The following UTP14C variants were observed in gnomAD, a reference collection of about 807,000 sequenced individuals.
UTP14C encodes UTP14C small subunit processome component.
UTP14C carries 10 observed loss-of-function variants against 14.6 expected under a neutral mutation model. The ratio of observed to expected loss-of-function variants is 0.68; its 90% CI spans 0.42 to 1.16. The LOEUF (loss-of-function observed/expected upper bound fraction) is 1.16. Ranked by LOEUF, UTP14C falls within the 50% of genes most tolerant of loss-of-function variation. UTP14C has a pLI of 0.00. For synonymous variants in UTP14C, 315 were observed against 331.6 expected (o/e 0.95, Z 0.54); for missense variants, 818 against 890.8 (o/e 0.92, Z 1.04).
In UTP14C at chr13:52,030,486, A is replaced by C. The variant is rs762712549; in HGVS notation, c.1682A>C (p.Asn561Thr). 6.2e-6 allele frequency: 10 copies of C among 1,614,224 alleles called. No homozygotes were observed. The highest frequency in any genetic ancestry group is 6.8e-6 in the Non-Finnish European group (8 of 1,180,034). ...KEKEQLINLQ[N>T]FLTTQSPSVR... ...AAGGAGCAACTGATCAACCTACAGA[A>C]CTTCCTGACCACACAGTCTCCTTCC... The change falls in exon 2 of 2, where the codon AAC becomes ACC. Residue 561 changes from asparagine (N) to threonine (T), a missense_variant. Coordinates refer to ENST00000521776, the MANE Select transcript of UTP14C (RefSeq NM_021645.6).
At position 52,029,831 on chromosome 13, in the gene UTP14C, G is replaced by A. The variant is rs1377571263; in HGVS notation, c.1027G>A (p.Glu343Lys). 1.9e-6 allele frequency: 3 copies of A among 1,614,232 alleles called. No individual in the cohort carries two copies. Among genetic ancestry groups the A allele is most frequent in the Non-Finnish European group, 2.5e-6 (3 of 1,180,044 alleles). Residue 343 changes from glutamate to lysine, a missense_variant, in exon 2 of 2, where the codon GAG becomes AAG. By Grantham distance (56) the Glu-to-Lys change is moderately conservative (BLOSUM62 1). Transcript: ENST00000521776. ...GAAACTCCAGGTAGCCTCTGAGAGT[G>A]AGGAAGAGGAGGGAGGCACAGAAGT... is the stretch of plus-strand genomic sequence containing the variant. ...TQKLQVASESEEEEGGTEVEE... is the reference protein window; with the variant it reads ...TQKLQVASESKEEEGGTEVEE...
chr13:52,027,196 C>T (rs1954249617), intron 1 of UTP14C, among the ~76,000 whole-genome samples: 1 of 151,828 alleles, frequency 6.6e-6, no homozygotes, highest in Non-Finnish European at 1.5e-5. Flanking sequence ...CAGAAGTGAA[C>T]AAGTAGAGTT....
At position 52,031,076 on chromosome 13, in the gene UTP14C, A is replaced by C. The variant is rs367799665; in HGVS notation, c.2272A>C (p.Thr758Pro). Reference sequence around the variant, plus strand: ...ACAGAGGAATCCAAAACGAATCACCACACGTCACAATAAAGAAGAAAAACT... The same window carrying C: ...ACAGAGGAATCCAAAACGAATCACCCCACGTCACAATAAAGAAGAAAAACT... ...VIQRNPKRIT[T>P]RHNKEEKL The change falls in exon 2 of 2, where the codon ACA becomes CCA. Residue 758 changes from threonine (T) to proline (P), a missense_variant. By Grantham distance (38) the Thr-to-Pro change is conservative. Coordinates refer to ENST00000521776, the MANE Select transcript of UTP14C (RefSeq NM_021645.6). The C allele has an allele frequency of 1.2e-6, 2 of 1,613,446 alleles. No homozygotes were observed. Among genetic ancestry groups the C allele is most frequent in the East Asian group, 4.5e-5 (2 of 44,866 alleles).
chr13:52,028,213 G>C (rs1954260228), intron 1 of UTP14C, 106 bp from the exon 2 acceptor site: 1 of 1,324,118 alleles, frequency 7.6e-7, no homozygotes, highest in Non-Finnish European at 1.1e-6. Context: ...ATTTAATTAA[G>C]TTTCTCATAA....
chr13:52,028,390 G>T lies in UTP14C; in HGVS notation c.-415G>T, dbSNP rs762514154. 6.2e-7 allele frequency: 1 copy of T among 1,614,154 alleles called. No homozygotes were observed. Among genetic ancestry groups the T allele is most frequent in the Non-Finnish European group, 8.5e-7 (1 of 1,180,034 alleles). ...TTCGGGGGGCCCAAAGCTTGACATTGTGGTTCCTCACGAAGGAGATATAAC... is the reference window on the plus strand; with the variant it reads ...TTCGGGGGGCCCAAAGCTTGACATTTTGGTTCCTCACGAAGGAGATATAAC... On this transcript the variant is annotated 5_prime_UTR_variant, in exon 2 of 2. Transcript: ENST00000521776.
At chr13:52,027,402 C>T (rs1381955830) in intron 1 of UTP14C, among the ~76,000 whole-genome samples, 1 of 152,066 alleles carries the variant, frequency 6.6e-6, no homozygotes, top group Non-Finnish European at 1.5e-5. Flanking sequence ...AGGATGCTCT[C>T]CAGCTTCAAG....
Position 52,028,608 on chromosome 13 carries a change from T to C in UTP14C, c.-197T>C. 1.2e-6 allele frequency: 2 copies of C among 1,607,472 alleles called. No homozygotes were observed. The highest frequency in any genetic ancestry group is 1.7e-6 in the Non-Finnish European group (2 of 1,174,538). On this transcript the variant is annotated 5_prime_UTR_variant, in exon 2 of 2. Transcript: ENST00000521776. The stretch of plus-strand genomic sequence containing the variant: ...TTAAGTAATGCCATATCTGTAAAAT[T>C]AAAGATATTTTATATAAACTGGTTA...
At chr13:52,025,747 T>C (rs1407991048) in intron 1 of UTP14C, among the ~76,000 whole-genome samples, 1 of 152,234 alleles carries the variant, frequency 6.6e-6, no homozygotes, top group African/African-American at 2.4e-5. Flanking sequence ...CCACATATAT[T>C]TCTCAAGCGC....
chr13:52,030,755 A>G lies in UTP14C; in HGVS notation c.1951A>G (p.Lys651Glu). 1 of 1,614,228 alleles carries G rather than the reference A, an allele frequency of 6.2e-7. No individual in the cohort carries two copies. Among genetic ancestry groups the G allele is most frequent in the Middle Eastern group, 1.6e-4 (1 of 6,062 alleles). Residue 651 changes from lysine to glutamate, a missense_variant, in exon 2 of 2, where the codon AAA becomes GAA. By Grantham distance (56) the Lys-to-Glu change is moderately conservative. Transcript: ENST00000521776. ...CAAGAAAAGACGCCAGTTTCTCATT[A>G]AAGCCCCTGAGGGTCCTCCAAGAAA... ...SAKKRRQFLI[K>E]APEGPPRKDK...
At position 52,030,465 on chromosome 13, in the gene UTP14C, A is replaced by G; in HGVS notation, c.1661A>G (p.Glu554Gly). Reference protein sequence around the residue: ...PDAPKEKKEKEQLINLQNFLT... With the variant: ...PDAPKEKKEKGQLINLQNFLT... ...GCCCCTAAGGAGAAGAAAGAGAAGG[A>G]GCAACTGATCAACCTACAGAACTTC... The change falls in exon 2 of 2, where the codon GAG becomes GGG. Residue 554 changes from glutamate to glycine, a missense_variant. Coordinates refer to ENST00000521776, the MANE Select transcript of UTP14C (RefSeq NM_021645.6). 5 of 1,614,240 alleles carry G rather than the reference A, an allele frequency of 3.1e-6. No individual in the cohort carries two copies. The highest frequency in any genetic ancestry group is 4.2e-6 in the Non-Finnish European group (5 of 1,180,048).
Position 52,030,329 on chromosome 13 carries a change from C to G in UTP14C, c.1525C>G (p.Leu509Val). The change falls in exon 2 of 2, where the codon CTG (leucine) becomes GTG (valine). Residue 509 changes from leucine (L) to valine (V), a missense_variant. By Grantham distance (32) the Leu-to-Val change is conservative. Coordinates refer to ENST00000521776, the MANE Select transcript of UTP14C (RefSeq NM_021645.6). ...ACAGAGGTCAGAGAGAGTACAAACT[C>G]TGGAAGAGCTAGAAGAGCTGGGAAA... is the stretch of plus-strand genomic sequence containing the variant. The part of the protein sequence containing the change: ...LLQRSERVQT[L>V]EELEELGKED... 1.9e-6 allele frequency: 3 copies of G among 1,614,154 alleles called. No individual in the cohort carries two copies. The highest frequency in any genetic ancestry group is 1.7e-6 in the Non-Finnish European group (2 of 1,180,030).
At position 52,031,173 on chromosome 13, in the gene UTP14C, C is replaced by A; in HGVS notation, c.*68C>A. 1.3e-6 allele frequency: 2 copies of A among 1,526,452 alleles called. No individual in the cohort carries two copies. The highest frequency in any genetic ancestry group is 8.8e-7 in the Non-Finnish European group (1 of 1,139,168). The allele number at this position is 1,526,452 out of a possible 1,614,324, so 94.6% of individuals were successfully genotyped here. On this transcript the variant is annotated 3_prime_UTR_variant, in exon 2 of 2. Transcript: ENST00000521776. ...CTTCCTTTGGTCCAGTTTTACTCTG[C>A]TACAGGGTGGATTCCAAAACTGGCT... is the stretch of plus-strand genomic sequence containing the variant.
chr13:52,029,400 C>T lies in UTP14C; in HGVS notation c.596C>T (p.Thr199Ile). Reference protein sequence around the residue: ...NLLHKNKQPVTDPLLTPMEKA... With the variant: ...NLLHKNKQPVIDPLLTPMEKA... ...CTCCATAAGAACAAGCAGCCAGTGA[C>T]AGATCCTTTACTGACTCCCATGGAA... Residue 199 changes from threonine to isoleucine, a missense_variant, in exon 2 of 2, where the codon ACA becomes ATA. Transcript: ENST00000521776. 1.9e-6 allele frequency: 3 copies of T among 1,614,162 alleles called. No individual in the cohort carries two copies. The highest frequency in any genetic ancestry group is 2.5e-6 in the Non-Finnish European group (3 of 1,180,032).
In UTP14C at chr13:52,030,235, T is replaced by A. The variant is rs1954287037; in HGVS notation, c.1431T>A (p.Ser477Arg). 1.9e-6 allele frequency: 3 copies of A among 1,614,040 alleles called. No homozygotes were observed. The highest frequency in any genetic ancestry group is 1.7e-6 in the Non-Finnish European group (2 of 1,179,970). Reference protein sequence around the residue: ...EKHQSRKQKASSEGTVPQVQR... With the variant: ...EKHQSRKQKARSEGTVPQVQR... ...ATCAGTCCAGGAAGCAAAAAGCAAG[T>A]TCAGAGGGGACTGTTCCCCAGGTCC... is the stretch of plus-strand genomic sequence containing the variant. Residue 477 changes from serine to arginine, a missense_variant, in exon 2 of 2, where the codon AGT becomes AGA. Coordinates refer to ENST00000521776, the MANE Select transcript of UTP14C (RefSeq NM_021645.6).
In UTP14C at chr13:52,029,654, A is replaced by G; in HGVS notation, c.850A>G (p.Lys284Glu). 2 of 1,614,222 alleles carry G rather than the reference A, an allele frequency of 1.2e-6. No homozygotes were observed. Among genetic ancestry groups the G allele is most frequent in the Non-Finnish European group, 1.7e-6 (2 of 1,180,040 alleles). The change falls in exon 2 of 2, where the codon AAA (lysine) becomes GAA (glutamate). Residue 284 changes from lysine (K) to glutamate (E), a missense_variant. Coordinates refer to ENST00000521776, the MANE Select transcript of UTP14C (RefSeq NM_021645.6). ...AACTGTGGCACTGGAAGAAATGGAA[A>G]AAATTGAAAATGCCAGAATGATGGA... ...NPTVALEEME[K>E]IENARMMERM...
intron 1 of UTP14C, among the ~76,000 whole-genome samples, chr13:52,026,025 G>C (rs1342462066): frequency 6.6e-6 from 1 of 152,220 alleles, no homozygotes; most frequent in Non-Finnish European, 1.5e-5. Flanking sequence ...GGAGCTGCTT[G>C]GCCTGTCAGA....
At chr13:52,026,529 A>G (rs373076375) in intron 1 of UTP14C, among the ~76,000 whole-genome samples, 38 of 152,314 alleles carry the variant, frequency 2.5e-4, no homozygotes, top group African/African-American at 9.1e-4. Context: ...GGTGCTCATG[A>G]GCTGAACTTC....
chr13:52,029,071 G>A lies in UTP14C; in HGVS notation c.267G>A (p.Leu89=). The A allele has an allele frequency of 6.2e-7, 1 of 1,614,232 alleles. No homozygotes were observed. ...GAGAAAAGCTGGGCCTTGCAGATCT[G>A]CTTGAGCCCGTTAAAACTTCATCTT... is the stretch of plus-strand genomic sequence containing the variant. The part of the protein sequence containing the change: ...GSGEKLGLAD[L]LEPVKTSSSL... Residue 89 remains leucine, a synonymous_variant, in exon 2 of 2, where the codon CTG becomes CTA. Transcript: ENST00000521776.
intron 1 of UTP14C, 94 bp from the exon 2 acceptor site, chr13:52,028,225 T>A: frequency 7.0e-7 from 1 of 1,426,894 alleles, no homozygotes; most frequent in Non-Finnish European, 9.8e-7. Flanking sequence ...TTCTCATAAG[T>A]CCCTTAAATT....
Sources: allele counts gnomAD v4.1 joint callset (sites outside exome capture counted in the v4.1 genomes callset), GRCh38; gene constraint gnomAD v4.1.1; transcripts MANE v1.5; gene names NCBI Gene and HGNC (gene_info 2026-07-23, HGNC 2026-07-21).